Variants in PXN observed in about 807,000 individuals in gnomAD.
PXN encodes the protein paxillin.
In PXN, 61 loss-of-function variants were observed where a neutral mutation model predicts 103.6. The ratio of observed to expected loss-of-function variants is 0.59; its 90% CI spans 0.48 to 0.73. The LOEUF is 0.73. Among genes scored for constraint, PXN ranks in the 30% least tolerant of loss-of-function variants. The pLI, the probability that PXN is intolerant of heterozygous loss-of-function variation, is 0.00. For synonymous variants in PXN, 562 were observed against 607.8 expected, an observed-to-expected ratio of 0.92 and a Z score of 1.11; for missense variants, 1,274 against 1,460.3, an observed-to-expected ratio of 0.87 and a Z score of 2.08.
At position 120,223,100 on chromosome 12, in the gene PXN, C is replaced by T. The variant is rs200262585; in HGVS notation, c.357-101G>A. ...CAAGGAGAACAAGGCAGAGGAGATG[C>T]GAAGTCTTCCCCCGCAAGAGGACAG... On this transcript the variant is annotated intron_variant, in intron 3 of 14. Transcript: ENST00000637617. The T allele has an allele frequency of 6.5e-5, 102 of 1,577,034 alleles. No individual in the cohort carries two copies. The African/African-American group carries it at 7.4e-4, about 11-fold the overall frequency.
intron 1 of PXN, among the ~76,000 whole-genome samples, chr12:120,236,710 C>T (rs942833329): frequency 6.6e-6 from 1 of 152,014 alleles, no homozygotes; most frequent in Non-Finnish European, 1.5e-5. Context: ...CTCCTGACCT[C>T]GTGATCCACC....
At chr12:120,231,116 C>T (rs1416685160) in intron 1 of PXN, among the ~76,000 whole-genome samples, 1 of 152,186 alleles carries the variant, frequency 6.6e-6, no homozygotes, top group African/African-American at 2.4e-5. Flanking sequence ...ATCCCAGGCC[C>T]AGCGGATGAG....
rs1272302532 is a variant in PXN, at chr12:120,216,823, T to C, written c.1992+18A>G. 2 of 1,551,920 alleles carry C rather than the reference T, an allele frequency of 1.3e-6. No individual in the cohort carries two copies. Among genetic ancestry groups the C allele is most frequent in the Non-Finnish European group, 1.7e-6 (2 of 1,161,456 alleles). On this transcript the variant is annotated intron_variant, in intron 8 of 14. Coordinates refer to ENST00000637617, the MANE Select transcript of PXN (RefSeq NM_001385981.1). The surrounding 1 kb of genome is among the most constrained non-coding windows in gnomAD (Gnocchi z 5.1). ...CTTGGCTCTGGCCCAGCCCCAGCCA[T>C]GGGCATCTCCTCGCCACCTTCTCTA...
intron 1 of PXN, among the ~76,000 whole-genome samples, chr12:120,227,487 C>G (rs1887121644): frequency 6.6e-6 from 1 of 152,208 alleles, no homozygotes; most frequent in African/African-American, 2.4e-5. Context: ...GGTGACAGAG[C>G]AAGACCCTGT....
Position 120,219,392 on chromosome 12 carries a change from G to T in PXN, c.1531C>A (p.Gln511Lys). The change falls in exon 7 of 15, where the codon CAG (glutamine) becomes AAG (lysine). Residue 511 changes from glutamine (Q) to lysine (K), a missense_variant. Physicochemically the swap from Gln to Lys is moderately conservative, Grantham distance 53 (BLOSUM62 1). Coordinates refer to ENST00000637617, the MANE Select transcript of PXN (RefSeq NM_001385981.1). This position sits in a 1 kb window ranked among gnomAD's most constrained non-coding sequence, Gnocchi z 6.5. ...CTCTCGGTCATCTTTGCACCTAGCT[G>T]CTCCGTGGTAACTGAGGCAGGGGAG... Reference protein sequence around the residue: ...SSSPASVTTEQLGAKMTERGS... With the variant: ...SSSPASVTTEKLGAKMTERGS... 6.3e-7 allele frequency: 1 copy of T among 1,598,440 alleles called. No homozygotes were observed. The highest frequency in any genetic ancestry group is 8.5e-7 in the Non-Finnish European group (1 of 1,179,782).
chr12:120,246,528 A>G (rs1348345840), intron 1 of PXN, among the ~76,000 whole-genome samples: 4 of 149,170 alleles, frequency 2.7e-5, no homozygotes, highest in Non-Finnish European at 5.9e-5. Flanking sequence ...AAAAAAAAAA[A>G]AAAAAGAAAA....
Position 120,213,799 on chromosome 12 carries a change from T to G in PXN, c.2979+43A>C. 6.3e-7 allele frequency: 1 copy of G among 1,585,966 alleles called. No individual in the cohort carries two copies. Among genetic ancestry groups the G allele is most frequent in the Non-Finnish European group, 8.6e-7 (1 of 1,166,264 alleles). On this transcript the variant is annotated intron_variant, in intron 14 of 14. Transcript: ENST00000637617. This position sits in a 1 kb window ranked among gnomAD's most constrained non-coding sequence, Gnocchi z 4.2. ...ATGAGGAAGACCCCTCTCTCCCCAC[T>G]GCCTGCTCCTCGCCCCTCCAGATGT...
In PXN at chr12:120,217,600, GAC is replaced by G. The variant is rs2136227729; in HGVS notation, c.1717-486_1717-485del. ...TTCCAGGAACTTTTTTTTGGGGGGGGACAGAGTCTCGCTCTGTCGCCCAGGCT... is the reference window on the plus strand; with the variant it reads ...TTCCAGGAACTTTTTTTTGGGGGGGGAGAGTCTCGCTCTGTCGCCCAGGCT... On this transcript the variant is annotated intron_variant, in intron 7 of 14. Transcript: ENST00000637617. The surrounding 1 kb of genome is among the most constrained non-coding windows in gnomAD (Gnocchi z 4.1). Among the ~76,000 whole-genome samples, 1 of 151,452 alleles carries G rather than the reference GAC, an allele frequency of 6.6e-6. No homozygotes were observed. Among genetic ancestry groups the G allele is most frequent in the East Asian group, 1.9e-4 (1 of 5,146 alleles).
At chr12:120,240,956 T>C (rs1422728476) in intron 1 of PXN, among the ~76,000 whole-genome samples, 1 of 152,058 alleles carries the variant, frequency 6.6e-6, no homozygotes. Context: ...CCACATTCTC[T>C]TTTTTTCCCT....
rs772763149 is a variant in PXN, at chr12:120,221,351, G to A, written c.831+272C>T. 6.6e-6 allele frequency among the ~76,000 whole-genome samples: 1 copy of A among 152,142 alleles called. No individual in the cohort carries two copies. Among genetic ancestry groups the A allele is most frequent in the Non-Finnish European group, 1.5e-5 (1 of 68,024 alleles). On this transcript the variant is annotated intron_variant, in intron 6 of 14. Coordinates refer to ENST00000637617, the MANE Select transcript of PXN (RefSeq NM_001385981.1). The surrounding 1 kb of genome is among the most constrained non-coding windows in gnomAD (Gnocchi z 6.6). Reference sequence around the variant, plus strand: ...CCTGATCCCCTCGACCTGAGAGGCTGGGAGCACCCAGGGAGGAAGGAATGT... The same window carrying A: ...CCTGATCCCCTCGACCTGAGAGGCTAGGAGCACCCAGGGAGGAAGGAATGT...
chr12:120,235,414 A>C (rs1888842623), intron 1 of PXN, among the ~76,000 whole-genome samples: 1 of 152,074 alleles, frequency 6.6e-6, no homozygotes, highest in Admixed American at 6.5e-5. Flanking sequence ...CAGGGATTAG[A>C]ATGCAGACAC....
At position 120,223,720 on chromosome 12, in the gene PXN, G is replaced by A. The variant is rs1369565213; in HGVS notation, c.354C>T (p.Tyr118=). The change falls in exon 3 of 15, where the codon TAC becomes TAT. Residue 118 remains tyrosine (Y), a splice_region_variant and synonymous_variant. Transcript: ENST00000637617. ...CSRVGEEEHV[Y]SFPNKQKSAE... ...CCCTGGGCAGACTGGGGCAGTACCT[G>A]TAGACGTGCTCCTCCTCACCCACTC... The A allele has an allele frequency of 6.3e-7, 1 of 1,581,060 alleles. No homozygotes were observed.
At chr12:120,226,806 T>C in intron 1 of PXN, 1 of 1,023,548 alleles carries the variant, frequency 9.8e-7, no homozygotes, top group Non-Finnish European at 1.2e-6. Flanking sequence ...TCTCAGGGCC[T>C]GTTGTCTCAG....
chr12:120,215,979 C>T lies in PXN; in HGVS notation c.2301+294G>A. ...AGGGAGGAGACAGGTTTCTGGTCTC[C>T]CTTCTGGAGTGGCTTCTTTCCTCGA... On this transcript the variant is annotated intron_variant, in intron 9 of 14. Transcript: ENST00000637617. This position sits in a 1 kb window ranked among gnomAD's most constrained non-coding sequence, Gnocchi z 4.9. 3.6e-6 allele frequency: 5 copies of T among 1,371,358 alleles called. No individual in the cohort carries two copies. Among genetic ancestry groups the T allele is most frequent in the Non-Finnish European group, 4.7e-6 (5 of 1,062,644 alleles). The allele number at this position is 1,371,358 out of a possible 1,614,324, so 84.9% of individuals were successfully genotyped here.
At chr12:120,252,953 C>G (rs1892424160) in intron 1 of PXN, among the ~76,000 whole-genome samples, 1 of 138,524 alleles carries the variant, frequency 7.2e-6, no homozygotes, top group Non-Finnish European at 1.5e-5. Context: ...GAGCCGAGAT[C>G]ATGCCACTGC....
chr12:120,258,442 G>A (rs35871332), intron 1 of PXN, among the ~76,000 whole-genome samples: 5,500 of 152,030 alleles, frequency 0.036, 137 homozygotes, highest in Middle Eastern at 0.099. Context: ...GTCACCTGAG[G>A]CCCCCCCAGC....
At chr12:120,236,014 T>C (rs1215226839) in intron 1 of PXN, among the ~76,000 whole-genome samples, 1 of 152,156 alleles carries the variant, frequency 6.6e-6, no homozygotes, top group East Asian at 1.9e-4. Context: ...CCAGCCTAGA[T>C]TTTCCAACCC....
chr12:120,213,729 T>G lies in PXN; in HGVS notation c.2979+113A>C. ...GGAGATCCCCTGCCTGCTCCCCCAA[T>G]TAATAACCCCAAATGAGGCCTCTGA... On this transcript the variant is annotated intron_variant, in intron 14 of 14. Coordinates refer to ENST00000637617, the MANE Select transcript of PXN (RefSeq NM_001385981.1). The surrounding 1 kb of genome is among the most constrained non-coding windows in gnomAD (Gnocchi z 4.2). 1 of 1,401,654 alleles carries G rather than the reference T, an allele frequency of 7.1e-7. No individual in the cohort carries two copies. 86.8% of individuals were successfully genotyped at this position (1,401,654 alleles called of 1,614,324 possible). A position where few individuals can be genotyped will look rare whatever the true frequency, so the allele number is the denominator to read the frequency against.
In PXN at chr12:120,222,875, C is replaced by T; in HGVS notation, c.481G>A (p.Gly161Ser). ...ELNAVQHNPP[G>S]FPADEANSSP... ...GACCCGGTCCTACCTGCAGGGAAGC[C>T]TGGCGGGTTATGCTGTACAGCGTTC... The change falls in exon 4 of 15, where the codon GGC becomes AGC. Residue 161 changes from glycine (G) to serine (S), a missense_variant. This residue lies in a region of PXN where 1,178 missense variants were observed against 1,309.0 expected (regional missense o/e 0.90). Coordinates refer to ENST00000637617, the MANE Select transcript of PXN (RefSeq NM_001385981.1). The surrounding 1 kb of genome is among the most constrained non-coding windows in gnomAD (Gnocchi z 4.7). 1 of 1,613,848 alleles carries T rather than the reference C, an allele frequency of 6.2e-7. No homozygotes were observed. The highest frequency in any genetic ancestry group is 8.5e-7 in the Non-Finnish European group (1 of 1,179,818).
Sources: allele counts gnomAD v4.1 joint callset (sites outside exome capture counted in the v4.1 genomes callset), GRCh38; gene constraint gnomAD v4.1.1; regional missense constraint gnomAD v4.1.1; non-coding constraint Gnocchi (gnomAD v3.1); transcripts MANE v1.5; gene names NCBI Gene and HGNC (gene_info 2026-07-23, HGNC 2026-07-21).